CNTNAP2: variants seen among roughly 807,000 people sequenced by gnomAD.
The protein encoded by CNTNAP2 is contactin associated protein 2, also known as contactin-associated protein-like 2.
CNTNAP2 carries 98 observed loss-of-function variants against 155.2 expected under a neutral mutation model. That is an observed-to-expected ratio of 0.63 (90% confidence interval 0.54 to 0.75). CNTNAP2 has a LOEUF of 0.75. CNTNAP2 is among the 30% of genes least tolerant of loss of function. CNTNAP2 has a pLI of 0.00. For missense variants in CNTNAP2, 1,727 were observed against 1,688.1 expected (o/e 1.02, Z -0.40); for synonymous variants, 651 against 631.2 (o/e 1.03, Z -0.47).
intron 8 of CNTNAP2, among the ~76,000 whole-genome samples, chr7:147,247,951 G>T (rs1357363017): frequency 6.6e-6 from 1 of 152,048 alleles, no homozygotes; most frequent in Non-Finnish European, 1.5e-5. Context: ...TTAAAAAAAG[G>T]TATAAGGGGA....
chr7:147,982,612 A>G (rs988248122), intron 15 of CNTNAP2, among the ~76,000 whole-genome samples: 4 of 152,228 alleles, frequency 2.6e-5, no homozygotes, highest in Admixed American at 6.5e-5. Context: ...ATGATGGTGA[A>G]TATTTGTTCT....
intron 9 of CNTNAP2, among the ~76,000 whole-genome samples, chr7:147,393,687 C>G (rs1796761504): frequency 6.6e-6 from 1 of 151,568 alleles, no homozygotes; most frequent in African/African-American, 2.4e-5. Context: ...GGGACTAAGT[C>G]AATGCGAATG....
At chr7:146,971,941 A>G (rs1351956636) in intron 3 of CNTNAP2, among the ~76,000 whole-genome samples, 2 of 152,170 alleles carry the variant, frequency 1.3e-5, no homozygotes, top group African/African-American at 4.8e-5. Flanking sequence ...ATCTACTTCG[A>G]TGCTATAGCT....
intron 9 of CNTNAP2, among the ~76,000 whole-genome samples, chr7:147,366,648 C>G (rs955994367): frequency 3.9e-5 from 6 of 151,930 alleles, no homozygotes; most frequent in Admixed American, 2.0e-4. Flanking sequence ...TCTTCTCTTC[C>G]GTTGCATCTC....
At chr7:147,075,486 C>T (rs1471077348) in intron 4 of CNTNAP2, among the ~76,000 whole-genome samples, 2 of 152,012 alleles carry the variant, frequency 1.3e-5, no homozygotes, top group African/African-American at 4.8e-5. Context: ...TCTGGTTCTT[C>T]TTGCTATTTG....
At chr7:148,017,439 G>T (rs1211776367) in intron 15 of CNTNAP2, among the ~76,000 whole-genome samples, 1 of 152,114 alleles carries the variant, frequency 6.6e-6, no homozygotes, top group Non-Finnish European at 1.5e-5. Flanking sequence ...CATACAAAAA[G>T]GCTGCTTATG....
chr7:146,823,651 T>C (rs1289776827), intron 2 of CNTNAP2, among the ~76,000 whole-genome samples: 1 of 151,642 alleles, frequency 6.6e-6, no homozygotes, highest in Non-Finnish European at 1.5e-5. Context: ...CATTCTTCAG[T>C]ATATTTAAAT....
chr7:147,044,559 A>G (rs1305283204), intron 4 of CNTNAP2, among the ~76,000 whole-genome samples: 16 of 152,092 alleles, frequency 1.1e-4, no homozygotes, highest in Admixed American at 1.0e-3. Flanking sequence ...TCTCTACCAA[A>G]TTTAATTTAT....
chr7:147,008,552 CAAAAT>C lies in CNTNAP2; in HGVS notation c.403-35350_403-35346del, dbSNP rs542891950. ...AGATTAGTTAACAAAAGAAAACAAACAAAATAAAAAAAACAGGAGTTTTTTAAGAC... is the reference window on the plus strand; with the variant it reads ...AGATTAGTTAACAAAAGAAAACAAACAAAAAAAACAGGAGTTTTTTAAGAC... On this transcript the variant is annotated intron_variant, in intron 3 of 23. Transcript: ENST00000361727. 4.3e-3 allele frequency among the ~76,000 whole-genome samples: 649 copies of C among 151,792 alleles called. 11 individuals are homozygous for C. The highest frequency in any genetic ancestry group is 0.012 in the African/African-American group (514 of 41,418).
chr7:146,333,191 C>A (rs570700351), intron 1 of CNTNAP2, among the ~76,000 whole-genome samples: 1 of 151,924 alleles, frequency 6.6e-6, no homozygotes, highest in African/African-American at 2.4e-5. Context: ...ATAATCCACC[C>A]GCCTCGGCCT....
At chr7:148,259,705 C>T (rs1052510768) in intron 20 of CNTNAP2, among the ~76,000 whole-genome samples, 1 of 152,210 alleles carries the variant, frequency 6.6e-6, no homozygotes, top group African/African-American at 2.4e-5. Flanking sequence ...GATGAAATCC[C>T]TTCAAACTCT....
chr7:147,958,702 G>A (rs763372405), intron 14 of CNTNAP2, among the ~76,000 whole-genome samples: 7 of 152,096 alleles, frequency 4.6e-5, no homozygotes, highest in Non-Finnish European at 8.8e-5. Flanking sequence ...AACATATCGT[G>A]AGCTGAATTA....
Position 147,716,678 on chromosome 7 carries a change from A to T in CNTNAP2, c.2098+77372A>T, listed in dbSNP as rs571498290. On this transcript the variant is annotated intron_variant, in intron 13 of 23. Coordinates refer to ENST00000361727, the MANE Select transcript of CNTNAP2 (RefSeq NM_014141.6). ...CCCCGTGCAAGCTTCCAGCTTCCTTATCTATGTTTGCAGCTCGATTTTTCA... is the reference window on the plus strand; with the variant it reads ...CCCCGTGCAAGCTTCCAGCTTCCTTTTCTATGTTTGCAGCTCGATTTTTCA... Among the ~76,000 whole-genome samples the T allele has an allele frequency of 5.9e-5, 9 of 152,224 alleles. No homozygotes were observed. The East Asian group carries it at 1.7e-3, about 30-fold the overall frequency.
intron 18 of CNTNAP2, among the ~76,000 whole-genome samples, chr7:148,186,527 T>A (rs28477355): frequency 6.6e-6 from 1 of 152,086 alleles, no homozygotes; most frequent in Non-Finnish European, 1.5e-5. Context: ...CGGGACCACA[T>A]GAGGCAGCCC....
intron 4 of CNTNAP2, among the ~76,000 whole-genome samples, chr7:147,099,891 G>T (rs1800620247): frequency 6.6e-6 from 1 of 152,178 alleles, no homozygotes; most frequent in Admixed American, 6.5e-5. Context: ...AGGCGAGAAG[G>T]CGAGTCTAAT....
chr7:146,680,081 T>C (rs1054088345), intron 1 of CNTNAP2, among the ~76,000 whole-genome samples: 2 of 152,188 alleles, frequency 1.3e-5, no homozygotes, highest in Non-Finnish European at 2.9e-5. Flanking sequence ...GCGGATTTAA[T>C]TGTCATCATT....
chr7:148,150,334 G>A (rs1022237126), intron 17 of CNTNAP2, among the ~76,000 whole-genome samples: 1 of 151,758 alleles, frequency 6.6e-6, no homozygotes, highest in African/African-American at 2.4e-5. Context: ...GGATCACGAG[G>A]TCAGGAGATC....
At position 148,415,741 on chromosome 7, in the gene CNTNAP2, A is replaced by G. The variant is rs988348123; in HGVS notation, c.*125A>G. ...AATATCAGCACAAGTTGGGGGAGGC[A>G]GGCAATGGAATATAATGGAATATTC... On this transcript the variant is annotated 3_prime_UTR_variant, in exon 24 of 24. Coordinates refer to ENST00000361727, the MANE Select transcript of CNTNAP2 (RefSeq NM_014141.6). 1 of 1,044,598 alleles carries G rather than the reference A, an allele frequency of 9.6e-7. No individual in the cohort carries two copies. The highest frequency in any genetic ancestry group is 2.6e-5 in the East Asian group (1 of 39,158). 64.7% of individuals were successfully genotyped at this position (1,044,598 alleles called of 1,614,324 possible).
intron 1 of CNTNAP2, among the ~76,000 whole-genome samples, chr7:146,332,164 CTA>C (rs1801198366): frequency 6.6e-6 from 1 of 151,564 alleles, no homozygotes; most frequent in African/African-American, 2.4e-5. Context: ...TATTATATAA[CTA>C]AATTTAAATT....
Sources: allele counts gnomAD v4.1 joint callset (sites outside exome capture counted in the v4.1 genomes callset), GRCh38; gene constraint gnomAD v4.1.1; transcripts MANE v1.5; gene names NCBI Gene and HGNC (gene_info 2026-07-23, HGNC 2026-07-21).